The following MTAP variants were observed in gnomAD, a reference collection of about 807,000 sequenced individuals.
The protein encoded by MTAP is S-methyl-5'-thioadenosine phosphorylase.
MTAP carries 33 observed loss-of-function variants against 33.6 expected under a neutral mutation model. The observed-to-expected ratio is 0.98, with a 90% CI of 0.74 to 1.31. MTAP has a LOEUF of 1.31. Ranked by LOEUF, MTAP falls within the 40% of genes most tolerant of loss-of-function variation. The probability of loss-of-function intolerance (pLI) is 0.00; values close to 1 mark genes in which losing one functional copy is unlikely to be tolerated. For synonymous variants in MTAP, 148 were observed against 125.7 expected (o/e 1.18, Z -1.19); for missense variants, 367 against 360.0 (o/e 1.02, Z -0.16).
chr9:21,870,691 G>A (rs903408637), downstream of MTAP, among the ~76,000 whole-genome samples: 4 of 151,286 alleles, frequency 2.6e-5, no homozygotes, highest in Non-Finnish European at 1.5e-5. Context: ...TAAAAATTAT[G>A]AAATTTTTAT....
chr9:21,900,629 A>G (rs544171955), intron 1 of MTAP, among the ~76,000 whole-genome samples: 1 of 152,288 alleles, frequency 6.6e-6, no homozygotes, highest in East Asian at 1.9e-4. Context: ...GGATTTAAAA[A>G]CAAAACTACC....
chr9:21,803,958 C>G (rs1824138168), intron 1 of MTAP, among the ~76,000 whole-genome samples: 1 of 152,154 alleles, frequency 6.6e-6, no homozygotes, highest in African/African-American at 2.4e-5. Context: ...ATATATGAAA[C>G]TTATTTTGTC....
At position 21,864,362 on chromosome 9, in the gene MTAP, T is replaced by G. The variant is rs1000140684; in HGVS notation, c.*2348T>G. 10 of 985,020 alleles carry G rather than the reference T, an allele frequency of 1.0e-5. No individual in the cohort carries two copies. In the African/African-American group the frequency reaches 1.7e-4, roughly 17 times the overall value. 61.0% of individuals were successfully genotyped at this position (985,020 alleles called of 1,614,324 possible). A position where few individuals can be genotyped will look rare whatever the true frequency, so the allele number is the denominator to read the frequency against. On this transcript the variant is annotated 3_prime_UTR_variant, in exon 8 of 8. Transcript: ENST00000644715. ...TGATGCTGTACTAATTTTTTTTTTT[T>G]AATTTAAGCTAGTATACTAAGTGAA...
chr9:21,854,896 A>G lies in MTAP; in HGVS notation c.690+26A>G, dbSNP rs369357858. On this transcript the variant is annotated intron_variant, in intron 6 of 7. Coordinates refer to ENST00000644715, the MANE Select transcript of MTAP (RefSeq NM_002451.4). The stretch of plus-strand genomic sequence containing the variant: ...GTAGGTGGAATTCTTTTCTAAGCAC[A>G]TATAGCATGGGTTTCTGGGTGCCAA... 33 of 1,612,294 alleles carry G rather than the reference A, an allele frequency of 2.0e-5. No homozygotes were observed. In the African/African-American group the frequency reaches 2.3e-4, roughly 11 times the overall value.
At chr9:21,900,828 A>G (rs1024968866) in intron 1 of MTAP, among the ~76,000 whole-genome samples, 1 of 152,226 alleles carries the variant, frequency 6.6e-6, no homozygotes, top group Non-Finnish European at 1.5e-5. Context: ...ACGCAATACT[A>G]TGCAGCCATG....
chr9:21,839,965 G>A (rs538240431), intron 5 of MTAP, among the ~76,000 whole-genome samples: 46 of 152,336 alleles, frequency 3.0e-4, no homozygotes, highest in Admixed American at 7.8e-4. Context: ...GGTGGCTCAC[G>A]CCTGTAATCC....
intron 1 of MTAP, among the ~76,000 whole-genome samples, chr9:21,915,044 C>G (rs1422845488): frequency 9.6e-6 from 1 of 104,026 alleles, no homozygotes; most frequent in Non-Finnish European, 1.7e-5. Context: ...TCCTTCCTTC[C>G]TTCCTTCCTT....
intron 1 of MTAP, among the ~76,000 whole-genome samples, chr9:21,914,970 T>C (rs1818651681): frequency 6.6e-6 from 1 of 151,486 alleles, no homozygotes; most frequent in African/African-American, 2.4e-5. Flanking sequence ...GGTACATCCA[T>C]AGTGTAGCAC....
intron 1 of MTAP, among the ~76,000 whole-genome samples, chr9:21,917,375 C>G (rs1453705038): frequency 6.6e-6 from 1 of 152,018 alleles, no homozygotes; most frequent in Non-Finnish European, 1.5e-5. Flanking sequence ...AGAGCAGAGA[C>G]GAAAGCAAGG....
intron 1 of MTAP, among the ~76,000 whole-genome samples, chr9:21,886,997 G>T (rs1226309611): frequency 6.6e-6 from 1 of 152,066 alleles, no homozygotes; most frequent in African/African-American, 2.4e-5. Context: ...ATATTGATAG[G>T]AATTGCAATG....
At chr9:21,859,089 A>G (rs1825697641) in intron 6 of MTAP, 1 of 493,326 alleles carries the variant, frequency 2.0e-6, no homozygotes. Context: ...TTGTAAGATC[A>G]CTAATCCTAT....
chr9:21,810,964 C>T (rs1824330827), intron 1 of MTAP, among the ~76,000 whole-genome samples: 1 of 152,184 alleles, frequency 6.6e-6, no homozygotes, highest in Non-Finnish European at 1.5e-5. Context: ...TTGCAAGGCC[C>T]TGACAGGCCT....
chr9:21,863,619 T>C lies in MTAP; in HGVS notation c.*1605T>C, dbSNP rs1344149169. 1.1e-5 allele frequency: 10 copies of C among 923,332 alleles called. No homozygotes were observed. Among genetic ancestry groups the C allele is most frequent in the Non-Finnish European group, 1.2e-5 (10 of 801,270 alleles). The allele number at this position is 923,332 out of a possible 1,614,324, so 57.2% of individuals were successfully genotyped here. On this transcript the variant is annotated 3_prime_UTR_variant, in exon 8 of 8. Transcript: ENST00000644715. ...GCCTGGGCAACAGAGTAAGACTCAG[T>C]CTCAAAAAAAAAAAAAAGAGTGAAA...
At chr9:21,884,254 C>T (rs1233629434) in intron 1 of MTAP, among the ~76,000 whole-genome samples, 1 of 151,936 alleles carries the variant, frequency 6.6e-6, no homozygotes, top group Non-Finnish European at 1.5e-5. Context: ...TTGGATACAC[C>T]AACACATATA....
chr9:21,906,418 A>G (rs551584843), intron 1 of MTAP, among the ~76,000 whole-genome samples: 17 of 152,350 alleles, frequency 1.1e-4, no homozygotes, highest in Admixed American at 9.8e-4. Context: ...TGTTAACTGG[A>G]TAATGGATTT....
intron 1 of MTAP, among the ~76,000 whole-genome samples, chr9:21,804,598 A>G (rs1269485757): frequency 6.6e-6 from 1 of 152,208 alleles, no homozygotes; most frequent in Admixed American, 6.5e-5. Flanking sequence ...AGATTCCATG[A>G]TGCCAGCACC....
chr9:21,849,058 G>T (rs577150675), intron 5 of MTAP, among the ~76,000 whole-genome samples: 126 of 150,188 alleles, frequency 8.4e-4, no homozygotes, highest in African/African-American at 2.8e-3. Context: ...AAACTTCTAG[G>T]TCAAATGGAC....
At chr9:21,815,922 C>T (rs1041760190) in intron 2 of MTAP, among the ~76,000 whole-genome samples, 2 of 152,112 alleles carry the variant, frequency 1.3e-5, no homozygotes, top group Admixed American at 6.5e-5. Context: ...TGTTACGAAG[C>T]GGCATTTGAG....
chr9:21,935,004 T>A (rs1819020599), downstream of MTAP: 1 of 151,996 alleles, frequency 6.6e-6, no homozygotes, highest in Admixed American at 6.6e-5. Context: ...CGGCCTTAAC[T>A]TTTTTTTAGG....
Sources: allele counts gnomAD v4.1 joint callset (sites outside exome capture counted in the v4.1 genomes callset), GRCh38; gene constraint gnomAD v4.1.1; transcripts MANE v1.5; gene names NCBI Gene and HGNC (gene_info 2026-07-23, HGNC 2026-07-21).